Variants in FRZB observed in about 807,000 individuals in gnomAD.
FRZB encodes the protein secreted frizzled-related protein 3.
In FRZB, 34 loss-of-function variants were observed where a neutral mutation model predicts 32.5. The observed-to-expected ratio is 1.05, with a 90% CI of 0.80 to 1.39. The LOEUF (loss-of-function observed/expected upper bound fraction) is 1.39. Among genes scored for constraint, FRZB ranks in the 40% most tolerant of loss-of-function variants. The probability of loss-of-function intolerance (pLI) is 0.00; values close to 1 mark genes in which losing one functional copy is unlikely to be tolerated. For synonymous variants in FRZB, 170 were observed against 159.2 expected (o/e 1.07, Z -0.51); for missense variants, 423 against 424.8 (o/e 1.00, Z 0.04).
chr2:182,835,669 C>T (rs992868914), intron 5 of FRZB, among the ~76,000 whole-genome samples: 4 of 152,016 alleles, frequency 2.6e-5, no homozygotes, highest in Admixed American at 6.6e-5. Flanking sequence ...GTAGGGAATA[C>T]GAACTACAGC....
At chr2:182,849,651 A>G (rs1412841416) in intron 2 of FRZB, among the ~76,000 whole-genome samples, 3 of 152,238 alleles carry the variant, frequency 2.0e-5, no homozygotes, top group African/African-American at 7.2e-5. Context: ...TTAGCTGTAA[A>G]AACAAACCTC....
intron 2 of FRZB, among the ~76,000 whole-genome samples, chr2:182,849,714 A>G (rs1330273886): frequency 6.6e-6 from 1 of 152,222 alleles, no homozygotes; most frequent in Non-Finnish European, 1.5e-5. Context: ...TGTAAAAGAA[A>G]TTGCTTAAGA....
At chr2:182,849,223 T>C (rs948908737) in intron 2 of FRZB, among the ~76,000 whole-genome samples, 4 of 146,454 alleles carry the variant, frequency 2.7e-5, no homozygotes, top group African/African-American at 7.7e-5. Context: ...CAAGACTCCG[T>C]CTCAAAATAA....
At chr2:182,858,027 G>A (rs1695790152) in intron 2 of FRZB, among the ~76,000 whole-genome samples, 1 of 152,136 alleles carries the variant, frequency 6.6e-6, no homozygotes, top group African/African-American at 2.4e-5. Flanking sequence ...CAAAGATATA[G>A]AACAACTGGA....
chr2:182,849,087 C>T (rs568384425), intron 2 of FRZB, among the ~76,000 whole-genome samples: 4 of 152,080 alleles, frequency 2.6e-5, no homozygotes, highest in Middle Eastern at 3.4e-3. Context: ...ATTAGCCGGG[C>T]GTGGTGGCAA....
At chr2:182,842,755 G>C (rs772768253) in intron 2 of FRZB, among the ~76,000 whole-genome samples, 1 of 152,056 alleles carries the variant, frequency 6.6e-6, no homozygotes, top group African/African-American at 2.4e-5. Flanking sequence ...TCATGAGAAC[G>C]AGTTTCCATT....
intron 1 of FRZB, among the ~76,000 whole-genome samples, chr2:182,861,888 T>TAA (rs1695834746): frequency 6.6e-6 from 1 of 152,096 alleles, no homozygotes; most frequent in African/African-American, 2.4e-5. Flanking sequence ...ATAATGGGGG[T>TAA]TGCTCTAAAT....
intron 2 of FRZB, among the ~76,000 whole-genome samples, chr2:182,857,692 C>T (rs1429842741): frequency 2.0e-5 from 3 of 150,906 alleles, no homozygotes; most frequent in Non-Finnish European, 4.4e-5. Context: ...AAATAAACCT[C>T]TAAAGCAAGC....
In FRZB at chr2:182,834,867, G is replaced by C. The variant is rs1166404726; in HGVS notation, c.960C>G (p.Pro320=). 4.3e-6 allele frequency: 7 copies of C among 1,613,014 alleles called. No homozygotes were observed. The African/African-American group carries it at 5.3e-5, about 12-fold the overall frequency. Residue 320 remains proline, a synonymous_variant, in exon 6 of 6, where the codon CCC becomes CCG. Transcript: ENST00000295113. ...TCGGGATTTAGTTGCGTGCTTGCCG[G>C]GGGTTCGAGTTCCTGCCAGACTTCT... ...QSQKSGRNSN[P]RQARN is the part of the protein sequence containing the mutation.
chr2:182,860,175 G>A (rs1055211273), intron 1 of FRZB, among the ~76,000 whole-genome samples: 3 of 152,088 alleles, frequency 2.0e-5, no homozygotes, highest in African/African-American at 7.2e-5. Context: ...TTATTCAAAG[G>A]AAAATGTTTC....
chr2:182,839,433 C>G (rs183499585), intron 3 of FRZB, among the ~76,000 whole-genome samples: 177 of 152,146 alleles, frequency 1.2e-3, no homozygotes, highest in African/African-American at 4.0e-3. Flanking sequence ...CTCCAACATT[C>G]CTTTCCCTCA....
chr2:182,862,738 C>T (rs1026781724), intron 1 of FRZB, among the ~76,000 whole-genome samples: 2 of 151,572 alleles, frequency 1.3e-5, no homozygotes, highest in Admixed American at 6.6e-5. Context: ...TAAAGCAATG[C>T]TTTATATGCT....
intron 5 of FRZB, among the ~76,000 whole-genome samples, chr2:182,836,860 A>G (rs288324): frequency 0.52 from 78,887 of 151,756 alleles, 21,254 homozygotes; most frequent in African/African-American, 0.65. Flanking sequence ...CAAATCTACT[A>G]AAGGGGAGAA....
chr2:182,853,467 T>C (rs1039080112), intron 2 of FRZB, among the ~76,000 whole-genome samples: 8 of 152,068 alleles, frequency 5.3e-5, no homozygotes, highest in African/African-American at 1.9e-4. Context: ...ATAGAAGGAG[T>C]GACCCTTCAA....
At chr2:182,845,269 C>CT (rs148808843) in intron 2 of FRZB, among the ~76,000 whole-genome samples, 4,732 of 152,222 alleles carry the variant, frequency 0.031, 88 homozygotes, top group Non-Finnish European at 0.041. Context: ...TAGCTGTCAC[C>CT]TTTTTTGTGC....
chr2:182,840,440 T>C (rs1400889666), intron 3 of FRZB, among the ~76,000 whole-genome samples: 1 of 152,106 alleles, frequency 6.6e-6, no homozygotes, highest in African/African-American at 2.4e-5. Flanking sequence ...AAAATAAATA[T>C]CTTTCTACAA....
At chr2:182,842,424 C>A in intron 3 of FRZB, 54 bp downstream of exon 3, 1 of 1,263,374 alleles carries the variant, frequency 7.9e-7, no homozygotes, top group South Asian at 1.2e-5. Flanking sequence ...TAGGTGCATC[C>A]ACACACCTCT....
intron 3 of FRZB, among the ~76,000 whole-genome samples, chr2:182,841,334 T>C (rs1695584117): frequency 6.6e-6 from 1 of 152,174 alleles, no homozygotes; most frequent in African/African-American, 2.4e-5. Context: ...TTTTGAAAGA[T>C]ATTGAAGCTA....
intron 2 of FRZB, among the ~76,000 whole-genome samples, chr2:182,856,700 G>C (rs1348512059): frequency 6.6e-6 from 1 of 151,998 alleles, no homozygotes; most frequent in Non-Finnish European, 1.5e-5. Flanking sequence ...ATATAATTTA[G>C]AGCAGAGAAA....
Sources: gnomAD v4.1 joint callset for allele counts (sites outside exome capture counted in the v4.1 genomes callset) on GRCh38, gnomAD v4.1.1 for gene constraint, MANE v1.5 for transcripts, NCBI Gene and HGNC (gene_info 2026-07-23, HGNC 2026-07-21) for gene names.